SLC24A2: variants seen among roughly 807,000 people sequenced by gnomAD.
SLC24A2 encodes solute carrier family 24 member 2, also known as sodium/potassium/calcium exchanger 2.
In SLC24A2, 36 loss-of-function variants were observed where a neutral mutation model predicts 62.0. The observed-to-expected ratio is 0.58, with a 90% CI of 0.44 to 0.77. SLC24A2 has a LOEUF of 0.77. SLC24A2 is among the 30% of genes least tolerant of loss of function. The pLI, the probability that SLC24A2 is intolerant of heterozygous loss-of-function variation, is 0.00. For synonymous variants in SLC24A2, 358 were observed against 294.0 expected, an observed-to-expected ratio of 1.22 and a Z score of -2.23; for missense variants, 846 against 817.9, an observed-to-expected ratio of 1.03 and a Z score of -0.42.
chr9:19,903,087 T>A, the SLC24A2 span, among the ~76,000 whole-genome samples: 3 of 152,142 alleles, frequency 2.0e-5, no homozygotes, highest in East Asian at 5.8e-4. Context: ...TAACTCCCAT[T>A]ATCAGATCGA....
intron 9 of SLC24A2, among the ~76,000 whole-genome samples, chr9:19,525,481 G>A (rs1049067384): frequency 2.2e-5 from 3 of 137,844 alleles, no homozygotes. Context: ...TTGGCTCATT[G>A]CAGCCTTCAC....
the SLC24A2 span, among the ~76,000 whole-genome samples, chr9:19,916,927 T>A: frequency 6.7e-6 from 1 of 150,078 alleles, no homozygotes; most frequent in Admixed American, 6.6e-5. Context: ...GTACCATTCC[T>A]AATGAGTTAT....
intron 2 of SLC24A2, among the ~76,000 whole-genome samples, chr9:19,662,483 C>T (rs1301901853): frequency 6.6e-6 from 1 of 152,194 alleles, no homozygotes; most frequent in East Asian, 1.9e-4. Context: ...TTACATTTAT[C>T]TCTGTTCTGT....
At chr9:20,286,761 G>T in the SLC24A2 span, among the ~76,000 whole-genome samples, 6 of 152,128 alleles carry the variant, frequency 3.9e-5, no homozygotes, top group African/African-American at 1.2e-4. Flanking sequence ...TGATAATAAT[G>T]CCAGGACAGC....
rs1218266528 is a variant in SLC24A2 at position 19,514,482 on chromosome 9, A to C, written c.*1671T>G. On this transcript the variant is annotated 3_prime_UTR_variant, in exon 11 of 11. Transcript: ENST00000341998. Reference sequence around the variant, plus strand: ...CTTGGAGAAAAGAAAAGTGCTCTACATAGTTTTCCATTGATTCAGTTTGCC... The same window carrying C: ...CTTGGAGAAAAGAAAAGTGCTCTACCTAGTTTTCCATTGATTCAGTTTGCC... The C allele has an allele frequency of 6.6e-6, 1 of 152,182 alleles. No homozygotes were observed. The highest frequency in any genetic ancestry group is 1.9e-4 in the East Asian group (1 of 5,190). 9.4% of individuals were successfully genotyped at this position (152,182 alleles called of 1,614,324 possible). A position where few individuals can be genotyped will look rare whatever the true frequency, so the allele number is the denominator to read the frequency against.
intron 2 of SLC24A2, among the ~76,000 whole-genome samples, chr9:19,668,638 C>T (rs1254062181): frequency 6.6e-6 from 1 of 152,160 alleles, no homozygotes; most frequent in Admixed American, 6.6e-5. Context: ...TTCCCAGGCT[C>T]AAAGTATCCG....
At chr9:20,113,205 T>C in the SLC24A2 span, among the ~76,000 whole-genome samples, 15 of 152,100 alleles carry the variant, frequency 9.9e-5, no homozygotes, top group African/African-American at 3.6e-4. Context: ...TCAAACCCCA[T>C]AGTTCTAGGG....
chr9:19,593,878 G>C (rs1159033481), intron 5 of SLC24A2, among the ~76,000 whole-genome samples: 5 of 152,092 alleles, frequency 3.3e-5, no homozygotes. Flanking sequence ...ATAACTCTTT[G>C]AGCCTTGGTT....
At chr9:19,544,124 G>A (rs1417622048) in intron 8 of SLC24A2, among the ~76,000 whole-genome samples, 2 of 152,130 alleles carry the variant, frequency 1.3e-5, no homozygotes, top group African/African-American at 4.8e-5. Context: ...TGAATGGTGT[G>A]CATATATATT....
the SLC24A2 span, among the ~76,000 whole-genome samples, chr9:20,097,340 T>C: frequency 6.6e-6 from 1 of 152,202 alleles, no homozygotes; most frequent in East Asian, 1.9e-4. Flanking sequence ...ACCTGCTTTA[T>C]ATTATAGTCA....
At chr9:19,917,328 C>T in the SLC24A2 span, among the ~76,000 whole-genome samples, 1 of 146,250 alleles carries the variant, frequency 6.8e-6, no homozygotes, top group South Asian at 2.2e-4. Flanking sequence ...TTTGGTAGAA[C>T]TGATCTTGAG....
intron 8 of SLC24A2, among the ~76,000 whole-genome samples, chr9:19,530,734 T>C (rs1339335699): frequency 6.6e-6 from 1 of 152,210 alleles, no homozygotes; most frequent in Non-Finnish European, 1.5e-5. Flanking sequence ...TAGTAATTAA[T>C]GGGCATCGAA....
intron 4 of SLC24A2, among the ~76,000 whole-genome samples, chr9:19,612,232 T>C (rs1165725114): frequency 6.6e-6 from 1 of 152,218 alleles, no homozygotes; most frequent in Non-Finnish European, 1.5e-5. Context: ...CTGAGGTCCT[T>C]TTCTGTCCAT....
the SLC24A2 span, among the ~76,000 whole-genome samples, chr9:19,989,533 T>A: frequency 6.6e-6 from 1 of 152,322 alleles, no homozygotes; most frequent in East Asian, 1.9e-4. Context: ...AATTCCATAG[T>A]GTTCTTAGGT....
At chr9:20,186,124 G>C in the SLC24A2 span, among the ~76,000 whole-genome samples, 1 of 152,052 alleles carries the variant, frequency 6.6e-6, no homozygotes, top group Non-Finnish European at 1.5e-5. Flanking sequence ...AGAATAATGA[G>C]TCCACTGTGA....
At chr9:20,157,702 T>C in the SLC24A2 span, among the ~76,000 whole-genome samples, 1 of 151,472 alleles carries the variant, frequency 6.6e-6, no homozygotes, top group African/African-American at 2.4e-5. Context: ...AATACAGTAT[T>C]GGAGATGTGG....
the SLC24A2 span, among the ~76,000 whole-genome samples, chr9:20,145,360 CT>C: frequency 6.6e-6 from 1 of 152,066 alleles, no homozygotes. Context: ...CATCTCTTCA[CT>C]GTCTCTCCAC....
At chr9:19,615,308 C>T (rs900462137) in intron 4 of SLC24A2, among the ~76,000 whole-genome samples, 45 of 152,200 alleles carry the variant, frequency 3.0e-4, no homozygotes, top group African/African-American at 1.0e-3. Context: ...GTGACATGAA[C>T]GAACTGTTCT....
At chr9:19,911,428 T>A in the SLC24A2 span, among the ~76,000 whole-genome samples, 1 of 152,168 alleles carries the variant, frequency 6.6e-6, no homozygotes, top group Non-Finnish European at 1.5e-5. Context: ...TTTGGGTATA[T>A]ACCCAGTAAT....
Sources: allele counts gnomAD v4.1 joint callset (sites outside exome capture counted in the v4.1 genomes callset), GRCh38; gene constraint gnomAD v4.1.1; transcripts MANE v1.5; gene names NCBI Gene and HGNC (gene_info 2026-07-23, HGNC 2026-07-21).